The following ANKAR variants were observed in gnomAD, a reference collection of about 807,000 sequenced individuals.
The protein encoded by ANKAR is ankyrin and armadillo repeat containing, also known as ankyrin and armadillo repeat-containing protein.
A neutral mutation model predicts 146.2 loss-of-function variants in ANKAR; 136 were observed. That is an observed-to-expected ratio of 0.93 (90% CI 0.81 to 1.07). The LOEUF (loss-of-function observed/expected upper bound fraction) is 1.07, where lower values mean the gene tolerates loss of function less well. ANKAR is among the 50% of genes least tolerant of loss of function. ANKAR has a pLI of 0.00. For synonymous variants in ANKAR, 500 were observed against 575.8 expected (o/e 0.87, Z 1.88); for missense variants, 1,567 against 1,679.9 (o/e 0.93, Z 1.18).
At chr2:189,750,625 C>T (rs1475150547), downstream of ANKAR, 1 of 1,592,032 alleles carries the variant, frequency 6.3e-7, no homozygotes, top group East Asian at 2.3e-5. Flanking sequence ...GCTTCTCCAA[C>T]TTCTTTTGAT....
chr2:189,755,508 G>A, intron 18 of ANKAR: 1 of 1,601,320 alleles, frequency 6.2e-7, no homozygotes, highest in Non-Finnish European at 8.5e-7. Context: ...ACTATTCGTT[G>A]AATATTTTCT....
rs1423144663 is a variant in ANKAR at position 189,674,730 on chromosome 2, C to A, written c.-136C>A. ...GAGGCCCTGAGGGCGGATTCAAGGC[C>A]CCGCGAGAAGCCATCTGAGGCGGCG... is the stretch of plus-strand genomic sequence containing the variant. On this transcript the variant is annotated 5_prime_UTR_variant, in exon 1 of 23. Coordinates refer to ENST00000684021, the MANE Select transcript of ANKAR (RefSeq NM_001378068.1). 6.6e-6 allele frequency: 1 copy of A among 152,300 alleles called. No homozygotes were observed. Among genetic ancestry groups the A allele is most frequent in the African/African-American group, 2.4e-5 (1 of 41,462 alleles). The allele number at this position is 152,300 out of a possible 1,614,324, so 9.4% of individuals were successfully genotyped here. A position where few individuals can be genotyped will look rare whatever the true frequency, so the allele number is the denominator to read the frequency against.
intron 5 of ANKAR, among the ~76,000 whole-genome samples, chr2:189,693,646 G>C (rs565131522): frequency 2.0e-5 from 3 of 152,148 alleles, no homozygotes; most frequent in Non-Finnish European, 4.4e-5. Flanking sequence ...GGGAGGATAG[G>C]ACCAAGTCTG....
In ANKAR at chr2:189,737,847, A is replaced by C; in HGVS notation, c.3582+6A>C. ...AGGCAATGGCAGCATTTCAGGTATA[A>C]AATTGAGATTAACACCTCAAATTAA... On this transcript the variant is annotated splice_donor_region_variant and intron_variant, in intron 18 of 22. Coordinates refer to ENST00000684021, the MANE Select transcript of ANKAR (RefSeq NM_001378068.1). The C allele has an allele frequency of 6.5e-7, 1 of 1,535,964 alleles. No homozygotes were observed. The highest frequency in any genetic ancestry group is 8.7e-7 in the Non-Finnish European group (1 of 1,149,552).
At chr2:189,710,969 C>T (rs952649632) in intron 9 of ANKAR, 80 bp from the exon 10 acceptor site, 7 of 1,202,124 alleles carry the variant, frequency 5.8e-6, no homozygotes, top group Non-Finnish European at 8.5e-6. Context: ...TTTTATTTAG[C>T]TGGTACAAAA....
At chr2:189,738,231 CTGTA>C (rs2043019641) in intron 18 of ANKAR, among the ~76,000 whole-genome samples, 1 of 152,156 alleles carries the variant, frequency 6.6e-6, no homozygotes, top group South Asian at 2.1e-4. Context: ...CTAGTAACAA[CTGTA>C]TGTATCTGGG....
At chr2:189,717,120 C>T (rs2040568195) in intron 10 of ANKAR, among the ~76,000 whole-genome samples, 1 of 152,208 alleles carries the variant, frequency 6.6e-6, no homozygotes, top group African/African-American at 2.4e-5. Context: ...AGCTTCTGCA[C>T]AGCAAAAGAA....
At chr2:189,695,816 C>T (rs76711619) in intron 6 of ANKAR, among the ~76,000 whole-genome samples, 2,830 of 152,288 alleles carry the variant, frequency 0.019, 86 homozygotes, top group African/African-American at 0.064. Flanking sequence ...TGTATTTCTA[C>T]AGCTATATAT....
intron 20 of ANKAR, among the ~76,000 whole-genome samples, chr2:189,741,791 C>T (rs1214329104): frequency 6.6e-6 from 1 of 152,058 alleles, no homozygotes; most frequent in Non-Finnish European, 1.5e-5. Flanking sequence ...TTAAAAAGAA[C>T]TACCTGTTCA....
At chr2:189,750,673 C>A (rs1412696167), downstream of ANKAR, 21 of 1,550,140 alleles carry the variant, frequency 1.4e-5, no homozygotes, top group Non-Finnish European at 1.7e-5. Context: ...CATAAGCAGA[C>A]AAATCGTATT....
At chr2:189,676,366 G>A in intron 1 of ANKAR, 90 bp from the exon 2 acceptor site, 1 of 1,154,742 alleles carries the variant, frequency 8.7e-7, no homozygotes, top group South Asian at 1.8e-5. Context: ...ATCTTATGTA[G>A]GTGAAAGGTA....
chr2:189,743,173 T>C, intron 20 of ANKAR, 102 bp from the exon 21 acceptor site: 1 of 1,133,110 alleles, frequency 8.8e-7, no homozygotes, highest in African/African-American at 1.6e-5. Context: ...TTACACTTGC[T>C]CCCTCCCTTA....
In ANKAR at chr2:189,744,722, C is replaced by A; in HGVS notation, c.4011-20C>A. ...ATTATGTCTTCATTTATTTTAATGA[C>A]AAAAATGTTTTCCTTTTAGTCTGGA... On this transcript the variant is annotated intron_variant, in intron 21 of 22. Transcript: ENST00000684021. 6.4e-7 allele frequency: 1 copy of A among 1,561,822 alleles called. No individual in the cohort carries two copies. Among genetic ancestry groups the A allele is most frequent in the Non-Finnish European group, 8.8e-7 (1 of 1,139,586 alleles).
intron 18 of ANKAR, chr2:189,752,905 G>A (rs753296228): frequency 1.2e-6 from 2 of 1,613,646 alleles, no homozygotes; most frequent in African/African-American, 2.7e-5. Flanking sequence ...ACAACAAAGT[G>A]CACTGTGTTG....
intron 22 of ANKAR, 71 bp downstream of exon 22, chr2:189,744,859 T>G: frequency 3.1e-6 from 4 of 1,275,858 alleles, no homozygotes; most frequent in Non-Finnish European, 3.3e-6. Context: ...ATTCCATCTC[T>G]AAAAATTCAA....
Position 189,692,382 on chromosome 2 carries a change from C to T in ANKAR, c.1167C>T (p.Ser389=). ...ATGGAGGAATTGAATTTGATATCAG[C>T]ACCCCTTCAATTGAGAATGCCTTGG... is the stretch of plus-strand genomic sequence containing the variant. ...HVHGGIEFDI[S]TPSIENALED... The change falls in exon 4 of 23, where the codon AGC becomes AGT. Residue 389 remains serine (S), a synonymous_variant. Transcript: ENST00000684021. 6.2e-7 allele frequency: 1 copy of T among 1,612,678 alleles called. No homozygotes were observed. Among genetic ancestry groups the T allele is most frequent in the Non-Finnish European group, 8.5e-7 (1 of 1,179,568 alleles).
chr2:189,684,829 CA>C (rs71023709), intron 2 of ANKAR, among the ~76,000 whole-genome samples: 98,446 of 108,104 alleles, frequency 0.91, 44,744 homozygotes, highest in South Asian at 0.96. Flanking sequence ...GACCCTGTCT[CA>C]AAAAAAAAAA....
intron 12 of ANKAR, among the ~76,000 whole-genome samples, chr2:189,722,978 A>G (rs2041478742): frequency 6.6e-6 from 1 of 152,136 alleles, no homozygotes; most frequent in Admixed American, 6.5e-5. Context: ...CCTCACTCCA[A>G]GGAAGATAAC....
At chr2:189,712,612 T>A (rs2039863777) in intron 10 of ANKAR, among the ~76,000 whole-genome samples, 1 of 152,168 alleles carries the variant, frequency 6.6e-6, no homozygotes, top group Non-Finnish European at 1.5e-5. Flanking sequence ...AAACCCCATT[T>A]GTAGGTCACC....
Sources: gnomAD v4.1 joint callset for allele counts (sites outside exome capture counted in the v4.1 genomes callset) on GRCh38, gnomAD v4.1.1 for gene constraint, MANE v1.5 for transcripts, NCBI Gene and HGNC (gene_info 2026-07-23, HGNC 2026-07-21) for gene names.